The following ADCY2 variants were observed in gnomAD, a reference collection of about 807,000 sequenced individuals.
ADCY2 encodes the protein adenylate cyclase type 2.
A neutral mutation model predicts 125.2 loss-of-function variants in ADCY2; 31 were observed. The observed-to-expected ratio is 0.25, with a 90% CI of 0.19 to 0.33. ADCY2 has a LOEUF of 0.33. Ranked by LOEUF, ADCY2 falls within the 10% of genes least tolerant of loss-of-function variation. The probability of loss-of-function intolerance (pLI) is 1.00; values close to 1 mark genes in which losing one functional copy is unlikely to be tolerated. For missense variants in ADCY2, 904 were observed against 1,418.2 expected, an observed-to-expected ratio of 0.64 and a Z score of 5.82; for synonymous variants, 512 against 548.4, an observed-to-expected ratio of 0.93 and a Z score of 0.93.
At chr5:7,658,399 TTGTGTGTGTGTGTG>T (rs369870574) in intron 4 of ADCY2, among the ~76,000 whole-genome samples, 3 of 130,944 alleles carry the variant, frequency 2.3e-5, no homozygotes, top group Admixed American at 7.6e-5. Context: ...GTGAAGAGAA[TTGTGTGTGTGTGTG>T]TGTGTGTGTG....
intron 22 of ADCY2, among the ~76,000 whole-genome samples, chr5:7,809,122 G>A (rs1185243966): frequency 6.6e-6 from 1 of 152,186 alleles, no homozygotes; most frequent in African/African-American, 2.4e-5. Flanking sequence ...AATGCTAACA[G>A]TAATAATAAT....
intron 3 of ADCY2, among the ~76,000 whole-genome samples, chr5:7,613,549 C>T (rs1737647313): frequency 6.6e-6 from 1 of 152,238 alleles, no homozygotes; most frequent in African/African-American, 2.4e-5. Flanking sequence ...TTCCAATTTC[C>T]ATGACCTCCC....
rs1395524621 is a variant in ADCY2, at chr5:7,766,780, C to A, written c.2188C>A (p.Arg730Ser). 1 of 1,609,796 alleles carries A rather than the reference C, an allele frequency of 6.2e-7. No homozygotes were observed. Among genetic ancestry groups the A allele is most frequent in the African/African-American group, 1.3e-5 (1 of 74,682 alleles). The change falls in exon 17 of 25, where the codon CGT becomes AGT. Residue 730 changes from arginine to serine, a missense_variant. Coordinates refer to ENST00000338316, the MANE Select transcript of ADCY2 (RefSeq NM_020546.3). ...SASNNQVAIL[R>S]AQNLFFLPYF... is the part of the protein sequence containing the mutation. ...CTCAAATAATCAGGTGGCGATTCTGCGTGCGCAGAATTTATTTTTCCTCCC... is the reference window on the plus strand; with the variant it reads ...CTCAAATAATCAGGTGGCGATTCTGAGTGCGCAGAATTTATTTTTCCTCCC...
intron 2 of ADCY2, among the ~76,000 whole-genome samples, chr5:7,465,119 C>T (rs759669668): frequency 2.6e-5 from 4 of 152,228 alleles, no homozygotes; most frequent in Non-Finnish European, 5.9e-5. Context: ...AGTTATCTCC[C>T]ACTGGGTCCT....
chr5:7,524,722 C>T (rs1453019638), intron 3 of ADCY2, among the ~76,000 whole-genome samples: 2 of 152,118 alleles, frequency 1.3e-5, no homozygotes, highest in Admixed American at 6.5e-5. Context: ...AATCACAGAG[C>T]GGTGGTGGGT....
intron 1 of ADCY2, among the ~76,000 whole-genome samples, chr5:7,409,491 T>G: frequency 6.6e-6 from 1 of 152,258 alleles, no homozygotes; most frequent in East Asian, 1.9e-4. Flanking sequence ...AATTTACATT[T>G]TTGTGATGAA....
At chr5:7,440,285 AG>A (rs1201374029) in intron 2 of ADCY2, among the ~76,000 whole-genome samples, 1 of 152,212 alleles carries the variant, frequency 6.6e-6, no homozygotes. Flanking sequence ...TAAATTATAT[AG>A]CAAAGGATGT....
chr5:7,400,396 A>G (rs1715242988), intron 1 of ADCY2, among the ~76,000 whole-genome samples: 1 of 152,208 alleles, frequency 6.6e-6, no homozygotes, highest in Non-Finnish European at 1.5e-5. Context: ...TTTATGATGA[A>G]TCAATGTTCC....
At position 7,556,720 on chromosome 5, in the gene ADCY2, G is replaced by A. The variant is rs555137713; in HGVS notation, c.570+35821G>A. Reference sequence around the variant, plus strand: ...GAGCTCGCTTTACTGTCTAAGCTCCGCCTCTGTTACAACAGCAGCAGCATG... The same window carrying A: ...GAGCTCGCTTTACTGTCTAAGCTCCACCTCTGTTACAACAGCAGCAGCATG... On this transcript the variant is annotated intron_variant, in intron 3 of 24. Coordinates refer to ENST00000338316, the MANE Select transcript of ADCY2 (RefSeq NM_020546.3). Among the ~76,000 whole-genome samples, 37 of 152,106 alleles carry A rather than the reference G, an allele frequency of 2.4e-4. 1 individual carries two copies. The highest frequency in any genetic ancestry group is 1.5e-3 in the South Asian group (7 of 4,824).
chr5:7,634,300 G>A (rs1024362762), intron 4 of ADCY2, among the ~76,000 whole-genome samples: 1 of 152,164 alleles, frequency 6.6e-6, no homozygotes, highest in Non-Finnish European at 1.5e-5. Context: ...CAAATTGAAG[G>A]TTAGGACTCA....
intron 3 of ADCY2, among the ~76,000 whole-genome samples, chr5:7,555,751 C>G (rs1207651161): frequency 6.6e-6 from 1 of 151,672 alleles, no homozygotes; most frequent in Non-Finnish European, 1.5e-5. Context: ...TTTCATGTAT[C>G]TTTTTGAATT....
chr5:7,524,578 C>T (rs1734384956), intron 3 of ADCY2, among the ~76,000 whole-genome samples: 1 of 152,216 alleles, frequency 6.6e-6, no homozygotes, highest in Non-Finnish European at 1.5e-5. Context: ...TGGAACAATT[C>T]TTTAGTGGTT....
chr5:7,468,946 A>C lies in ADCY2; in HGVS notation c.409-51792A>C, dbSNP rs545930680. 3.0e-4 allele frequency among the ~76,000 whole-genome samples: 45 copies of C among 152,172 alleles called. 2 individuals carry two copies. In the South Asian group the frequency reaches 9.3e-3, roughly 32 times the overall value. On this transcript the variant is annotated intron_variant, in intron 2 of 24. Coordinates refer to ENST00000338316, the MANE Select transcript of ADCY2 (RefSeq NM_020546.3). The stretch of plus-strand genomic sequence containing the variant: ...TGTAAATTCATGCCAAAGCTATATC[A>C]CTCCACAGTATTTGATTAACCCATA...
At chr5:7,521,418 G>A (rs918135547) in intron 3 of ADCY2, among the ~76,000 whole-genome samples, 2 of 151,834 alleles carry the variant, frequency 1.3e-5, no homozygotes, top group South Asian at 2.1e-4. Context: ...CTAATAAATA[G>A]CATTTCAAAG....
At chr5:7,467,564 G>T (rs1446675843) in intron 2 of ADCY2, among the ~76,000 whole-genome samples, 1 of 152,104 alleles carries the variant, frequency 6.6e-6, no homozygotes, top group African/African-American at 2.4e-5. Flanking sequence ...TTCTGCCTCT[G>T]GAAAAAATTC....
intron 3 of ADCY2, among the ~76,000 whole-genome samples, chr5:7,547,750 T>C (rs1735193876): frequency 1.3e-5 from 2 of 152,222 alleles, no homozygotes; most frequent in Admixed American, 1.3e-4. Flanking sequence ...CTGTCTACTT[T>C]CAGTCACTTC....
chr5:7,664,521 G>A (rs1355910729), intron 4 of ADCY2, among the ~76,000 whole-genome samples: 4 of 152,166 alleles, frequency 2.6e-5, no homozygotes, highest in African/African-American at 9.7e-5. Flanking sequence ...TAAGGGGTCT[G>A]GGGAGTCATG....
chr5:7,632,313 A>G (rs1049321736), intron 4 of ADCY2, among the ~76,000 whole-genome samples: 4 of 151,952 alleles, frequency 2.6e-5, no homozygotes, highest in African/African-American at 7.3e-5. Context: ...TGTTTTTGAG[A>G]TCTCCACTTT....
At chr5:7,795,089 A>G (rs1279976083) in intron 20 of ADCY2, 1 of 152,196 alleles carries the variant, frequency 6.6e-6, no homozygotes, top group Non-Finnish European at 1.5e-5. Flanking sequence ...ACTGGTCCCC[A>G]CACAAGCCTT....
Sources: gnomAD v4.1 joint callset for allele counts (sites outside exome capture counted in the v4.1 genomes callset) on GRCh38, gnomAD v4.1.1 for gene constraint, MANE v1.5 for transcripts, NCBI Gene and HGNC (gene_info 2026-07-23, HGNC 2026-07-21) for gene names.